ATMIN: variants seen among roughly 807,000 people sequenced by gnomAD.
The protein encoded by ATMIN is ATM interactor, also known as ATM INteracting protein.
A neutral mutation model predicts 49.2 loss-of-function variants in ATMIN; 24 were observed. The ratio of observed to expected loss-of-function variants is 0.49; its 90% CI spans 0.35 to 0.69. ATMIN has a LOEUF of 0.69. Ranked by LOEUF, ATMIN falls within the 30% of genes least tolerant of loss-of-function variation. ATMIN has a pLI of 0.00. For missense variants in ATMIN, 1,037 were observed against 1,005.5 expected, an observed-to-expected ratio of 1.03 and a Z score of -0.42; for synonymous variants, 450 against 392.5, an observed-to-expected ratio of 1.15 and a Z score of -1.73.
At chr16:81,042,511 C>T in intron 3 of ATMIN, 31 bp downstream of exon 3, 14 of 1,603,540 alleles carry the variant, frequency 8.7e-6, no homozygotes, top group Non-Finnish European at 1.2e-5. Context: ...GCACAGAAGT[C>T]AGTAGCTATG....
chr16:81,042,968 G>A (rs989943079), intron 3 of ATMIN, among the ~76,000 whole-genome samples, 193 bp from the exon 4 acceptor site: 12 of 152,080 alleles, frequency 7.9e-5, no homozygotes, highest in African/African-American at 2.4e-4. Context: ...TTCTCTGTTT[G>A]CATGTTTCTC....
intron 3 of ATMIN, among the ~76,000 whole-genome samples, chr16:81,042,958 TTC>T (rs1156677074): frequency 6.6e-6 from 1 of 152,090 alleles, no homozygotes; most frequent in Non-Finnish European, 1.5e-5. Context: ...TGTTTCCTCC[TTC>T]TCTGTTTGCA....
chr16:81,044,263 G>A lies in ATMIN; in HGVS notation c.1765G>A (p.Asp589Asn). Reference protein sequence around the residue: ...NMTDNQTQTIDLLSDLENILS... With the variant: ...NMTDNQTQTINLLSDLENILS... ...GACAGATAATCAGACCCAAACCATAGATTTATTAAGTGATTTGGAAAACAT... is the reference window on the plus strand; with the variant it reads ...GACAGATAATCAGACCCAAACCATAAATTTATTAAGTGATTTGGAAAACAT... The change falls in exon 4 of 4, where the codon GAT becomes AAT. Residue 589 changes from aspartate (D) to asparagine (N), a missense_variant. Asp to Asn is a conservative substitution (Grantham distance 23). Transcript: ENST00000299575. The A allele has an allele frequency of 6.2e-7, 1 of 1,614,016 alleles. No homozygotes were observed. Among genetic ancestry groups the A allele is most frequent in the Non-Finnish European group, 8.5e-7 (1 of 1,179,980 alleles).
intron 1 of ATMIN, among the ~76,000 whole-genome samples, 184 bp downstream of exon 1, chr16:81,036,390 G>T (rs1290325161): frequency 6.6e-6 from 1 of 151,914 alleles, no homozygotes; most frequent in Non-Finnish European, 1.5e-5. Flanking sequence ...GGCGCCGCAG[G>T]TGCGGCCTCT....
intron 1 of ATMIN, among the ~76,000 whole-genome samples, chr16:81,040,368 G>A (rs933267992): frequency 5.9e-5 from 9 of 152,146 alleles, no homozygotes; most frequent in East Asian, 3.9e-4. Flanking sequence ...GTGGGGTGTT[G>A]GCTCTCAGAA....
rs754658237 is a variant in ATMIN at position 81,043,833 on chromosome 16, G to C, written c.1335G>C (p.Leu445Phe). 6.2e-7 allele frequency: 1 copy of C among 1,614,176 alleles called. No individual in the cohort carries two copies. The highest frequency in any genetic ancestry group is 1.7e-5 in the Admixed American group (1 of 60,022). Residue 445 changes from leucine (L) to phenylalanine (F), a missense_variant, in exon 4 of 4, where the codon TTG becomes TTC. Coordinates refer to ENST00000299575, the MANE Select transcript of ATMIN (RefSeq NM_015251.3). Reference sequence around the variant, plus strand: ...TGTCGTCTTGTTCTCAAACTGATTTGTCGTTTGATTCTCAAGTGTCTCTTC... The same window carrying C: ...TGTCGTCTTGTTCTCAAACTGATTTCTCGTTTGATTCTCAAGTGTCTCTTC... ...SSVSSCSQTD[L>F]SFDSQVSLPI...
In ATMIN at chr16:81,043,220, A is replaced by G. The variant is rs148405522; in HGVS notation, c.722A>G (p.Asn241Ser). Residue 241 changes from asparagine to serine, a missense_variant, in exon 4 of 4, where the codon AAC (asparagine) becomes AGC (serine). Physicochemically the swap from Asn to Ser is conservative, Grantham distance 46 (BLOSUM62 1). Coordinates refer to ENST00000299575, the MANE Select transcript of ATMIN (RefSeq NM_015251.3). The part of the protein sequence containing the change: ...ENCAQNQKLS[N>S]KTIESLNNQP... ...TGTGCACAAAACCAGAAGTTATCCA[A>G]CAAGACCATTGAATCATTGAACAAC... 1.4e-5 allele frequency: 22 copies of G among 1,613,904 alleles called. No individual in the cohort carries two copies. Among genetic ancestry groups the G allele is most frequent in the African/African-American group, 6.7e-5 (5 of 74,906 alleles).
chr16:81,040,066 C>T lies in ATMIN; in HGVS notation c.337-1290C>T, dbSNP rs144910482. ...TCTTCAACTGTGTCTTACTTTTCCTCTTGTATATTTTCTTTCTGTCTTGTT... is the reference window on the plus strand; with the variant it reads ...TCTTCAACTGTGTCTTACTTTTCCTTTTGTATATTTTCTTTCTGTCTTGTT... On this transcript the variant is annotated intron_variant, in intron 1 of 3. Transcript: ENST00000299575. Among the ~76,000 whole-genome samples the T allele has an allele frequency of 6.6e-3, 1,010 of 152,272 alleles. 12 individuals carry two copies. Among genetic ancestry groups the T allele is most frequent in the African/African-American group, 0.022 (924 of 41,530 alleles).
rs779943271 is a variant in ATMIN, at chr16:81,042,478, C to T, written c.660C>T (p.His220=). 82 of 1,613,654 alleles carry T rather than the reference C, an allele frequency of 5.1e-5. No homozygotes were observed. The highest frequency in any genetic ancestry group is 6.8e-5 in the Non-Finnish European group (80 of 1,179,852). The part of the protein sequence containing the change: ...YRTGHEIPAE[H]RDPPSKKRKM... The stretch of plus-strand genomic sequence containing the variant: ...CTGGGCACGAGATACCTGCAGAACA[C>T]AGGTGAAGGGAAAGAAATGATGGCA... Residue 220 remains histidine, a splice_region_variant and synonymous_variant, in exon 3 of 4, where the codon CAC becomes CAT. Coordinates refer to ENST00000299575, the MANE Select transcript of ATMIN (RefSeq NM_015251.3).
At chr16:81,037,166 C>T (rs555762799) in intron 1 of ATMIN, 2 of 985,440 alleles carry the variant, frequency 2.0e-6, no homozygotes, top group South Asian at 4.7e-5. Flanking sequence ...ATTACAATGG[C>T]AAGTTTCCTT....
chr16:81,046,988 T>C lies in ATMIN; in HGVS notation c.*2018T>C, dbSNP rs1971132762. ...TGTTTTAGAATCATCACTGCCTTAA[T>C]ATTCAAGCATCTATTTAAGTCCTAA... is the stretch of plus-strand genomic sequence containing the variant. On this transcript the variant is annotated 3_prime_UTR_variant, in exon 4 of 4. Transcript: ENST00000299575. 1 of 152,662 alleles carries C rather than the reference T, an allele frequency of 6.6e-6. No homozygotes were observed. The highest frequency in any genetic ancestry group is 6.5e-5 in the Admixed American group (1 of 15,284). The allele number at this position is 152,662 out of a possible 1,614,324, so 9.5% of individuals were successfully genotyped here.
chr16:81,040,323 G>A (rs1971016786), intron 1 of ATMIN, among the ~76,000 whole-genome samples: 1 of 152,078 alleles, frequency 6.6e-6, no homozygotes, highest in African/African-American at 2.4e-5. Context: ...GAAGCAGTGG[G>A]TGGGGGTGGG....
chr16:81,036,099 TC>T lies in ATMIN; in HGVS notation c.232del (p.Arg78GlyfsTer28). On this transcript the variant is annotated frameshift_variant, in exon 1 of 4. Coordinates refer to ENST00000299575, the MANE Select transcript of ATMIN (RefSeq NM_015251.3). LOFTEE classifies it high-confidence loss of function. Reference protein sequence around the residue: ...ELIQPSVSELSRAVRTNILCT... With the variant: ...ELIQPSVSELXRAVRTNILCT... ...GATCCAGCCGTCGGTGAGCGAGCTGTCCCGGGCCGTGCGGACCAACATCCTG... is the reference window on the plus strand; with the variant it reads ...GATCCAGCCGTCGGTGAGCGAGCTGTCCGGGCCGTGCGGACCAACATCCTG... 7.1e-7 allele frequency: 1 copy of T among 1,414,848 alleles called. No homozygotes were observed. The allele number at this position is 1,414,848 out of a possible 1,614,324, so 87.6% of individuals were successfully genotyped here.
intron 1 of ATMIN, among the ~76,000 whole-genome samples, chr16:81,039,846 A>T (rs1453208805): frequency 6.6e-6 from 1 of 152,318 alleles, no homozygotes; most frequent in South Asian, 2.1e-4. Context: ...TAAGGAAAGG[A>T]AAGGTTCCAA....
chr16:81,037,100 TAAA>T (rs1331556353), intron 1 of ATMIN: 1 of 862,780 alleles, frequency 1.2e-6, no homozygotes, highest in African/African-American at 1.8e-5. Context: ...ACAAGCTTAT[TAAA>T]AATCCAGATG....
rs576990729 is a variant in ATMIN at position 81,039,297 on chromosome 16, C to G, written c.337-2059C>G. Among the ~76,000 whole-genome samples, 35 of 152,260 alleles carry G rather than the reference C, an allele frequency of 2.3e-4. No homozygotes were observed. The South Asian group carries it at 7.3e-3, about 32-fold the overall frequency. ...TGGAAATTTTCGGTCTTAGTTACAG[C>G]TGCTTGCATAATTTCTTTCATTGTT... On this transcript the variant is annotated intron_variant, in intron 1 of 3. Transcript: ENST00000299575.
intron 1 of ATMIN, among the ~76,000 whole-genome samples, chr16:81,039,414 C>T (rs779710935): frequency 2.6e-5 from 4 of 152,120 alleles, no homozygotes; most frequent in Non-Finnish European, 5.9e-5. Context: ...AACACCCCAC[C>T]CCCAACCAAA....
chr16:81,036,520 C>G (rs1597122313), intron 1 of ATMIN, among the ~76,000 whole-genome samples: 1 of 152,324 alleles, frequency 6.6e-6, no homozygotes, highest in African/African-American at 2.4e-5. Flanking sequence ...ACTTTTTTGC[C>G]TGTGAGTTCT....
chr16:81,042,882 T>A (rs1473378755), intron 3 of ATMIN, among the ~76,000 whole-genome samples: 2 of 152,204 alleles, frequency 1.3e-5, no homozygotes, highest in Non-Finnish European at 2.9e-5. Context: ...ATTATGTAAG[T>A]CTTTTAGCTT....
Sources: allele counts gnomAD v4.1 joint callset (sites outside exome capture counted in the v4.1 genomes callset), GRCh38; gene constraint gnomAD v4.1.1; transcripts MANE v1.5; gene names NCBI Gene and HGNC (gene_info 2026-07-23, HGNC 2026-07-21).